Variants in NR3C1 observed in about 807,000 individuals in gnomAD.
NR3C1 encodes the protein nuclear receptor subfamily 3 group C member 1, also known as glucocorticoid receptor.
NR3C1 carries 14 observed loss-of-function variants against 74.0 expected under a neutral mutation model. The observed-to-expected ratio is 0.19, with a 90% CI of 0.12 to 0.30. The LOEUF is 0.30. Among genes scored for constraint, NR3C1 ranks in the 10% least tolerant of loss-of-function variants. The probability of loss-of-function intolerance (pLI) is 1.00; values close to 1 mark genes in which losing one functional copy is unlikely to be tolerated. For missense variants in NR3C1, 695 were observed against 909.8 expected (o/e 0.76, Z 3.04); for synonymous variants, 308 against 332.5 (o/e 0.93, Z 0.80).
At chr5:143,318,153 T>C (rs1822564619) in intron 2 of NR3C1, among the ~76,000 whole-genome samples, 1 of 152,080 alleles carries the variant, frequency 6.6e-6, no homozygotes, top group Non-Finnish European at 1.5e-5. Flanking sequence ...CCCCCAAGGA[T>C]TACCTTCTTC....
At chr5:143,377,791 C>G (rs1425260888) in intron 2 of NR3C1, among the ~76,000 whole-genome samples, 1 of 152,172 alleles carries the variant, frequency 6.6e-6, no homozygotes, top group Non-Finnish European at 1.5e-5. Flanking sequence ...AACTGTCTTT[C>G]CCAAATTAAG....
intron 2 of NR3C1, among the ~76,000 whole-genome samples, chr5:143,358,782 C>T (rs1172492987): frequency 1.3e-5 from 2 of 151,976 alleles, no homozygotes; most frequent in African/African-American, 2.4e-5. Flanking sequence ...TGCCTGTAAT[C>T]CCAGCTACTT....
At chr5:143,376,897 A>T (rs1450731970) in intron 2 of NR3C1, among the ~76,000 whole-genome samples, 1 of 152,130 alleles carries the variant, frequency 6.6e-6, no homozygotes, top group Non-Finnish European at 1.5e-5. Flanking sequence ...GGAGGACTGG[A>T]GATTTAGAAT....
At chr5:143,335,737 T>C (rs1171420092) in intron 2 of NR3C1, among the ~76,000 whole-genome samples, 1 of 152,238 alleles carries the variant, frequency 6.6e-6, no homozygotes, top group Non-Finnish European at 1.5e-5. Flanking sequence ...TCTTTAGTAG[T>C]TGTAAAGTAT....
chr5:143,402,996 AG>A (rs1307505090), intron 1 of NR3C1, among the ~76,000 whole-genome samples: 5 of 98,048 alleles, frequency 5.1e-5, no homozygotes, highest in Non-Finnish European at 9.7e-5. Context: ...CGGCCCGGCC[AG>A]GGGACGCCTG....
At position 143,281,482 on chromosome 5, in the gene NR3C1, G is replaced by C. The variant is rs555578321; in HGVS notation, c.*407C>G. 2 of 229,154 alleles carry C rather than the reference G, an allele frequency of 8.7e-6. No individual in the cohort carries two copies. Among genetic ancestry groups the C allele is most frequent in the African/African-American group, 2.3e-5 (1 of 42,754 alleles). The allele number at this position is 229,154 out of a possible 1,614,324, so 14.2% of individuals were successfully genotyped here. A position where few individuals can be genotyped will look rare whatever the true frequency, so the allele number is the denominator to read the frequency against. ...AAAAATGCTATCCTAACTATACAGG[G>C]GGGGGATACACCAACAGAAAGTCTA... is the stretch of plus-strand genomic sequence containing the variant. On this transcript the variant is annotated 3_prime_UTR_variant, in exon 9 of 9. Coordinates refer to ENST00000394464, the MANE Select transcript of NR3C1 (RefSeq NM_000176.3).
At chr5:143,403,699 A>C, upstream of NR3C1, 2 of 983,476 alleles carry the variant, frequency 2.0e-6, no homozygotes, top group Non-Finnish European at 2.4e-6. Flanking sequence ...CACGGCGCGC[A>C]CACACTCGCA....
intron 1 of NR3C1, among the ~76,000 whole-genome samples, chr5:143,420,374 A>C (rs866969251): frequency 2.6e-5 from 4 of 152,222 alleles, no homozygotes; most frequent in African/African-American, 2.4e-5. Context: ...CAGTGAAGAC[A>C]GGCATAGGAA....
chr5:143,344,217 C>G (rs977462002), intron 2 of NR3C1, among the ~76,000 whole-genome samples: 1 of 152,064 alleles, frequency 6.6e-6, no homozygotes, highest in Non-Finnish European at 1.5e-5. Context: ...AGTAGACTCC[C>G]AACAATTTTT....
rs61753507 is a variant in NR3C1 at position 143,279,507 on chromosome 5, A to C, written c.*2382T>G. ...TCAAGCAGTTTTCTTAGGCACCAAA[A>C]ATTTATCCAGCCGGGTTACACACCA... On this transcript the variant is annotated 3_prime_UTR_variant, in exon 9 of 9. Transcript: ENST00000394464. 269 of 1,278,982 alleles carry C rather than the reference A, an allele frequency of 2.1e-4. 1 individual carries two copies. In the African/African-American group the frequency reaches 4.0e-3, roughly 19 times the overall value. 79.2% of individuals were successfully genotyped at this position (1,278,982 alleles called of 1,614,324 possible). A position where few individuals can be genotyped will look rare whatever the true frequency, so the allele number is the denominator to read the frequency against.
intron 2 of NR3C1, among the ~76,000 whole-genome samples, chr5:143,372,396 T>C (rs1411204599): frequency 1.3e-5 from 2 of 152,148 alleles, no homozygotes; most frequent in African/African-American, 4.8e-5. Context: ...GGCTACCAAG[T>C]GACTAAGGGG....
intron 1 of NR3C1, among the ~76,000 whole-genome samples, chr5:143,412,418 G>A (rs1018744495): frequency 6.6e-6 from 1 of 152,068 alleles, no homozygotes; most frequent in Non-Finnish European, 1.5e-5. Context: ...CCAATTTATA[G>A]TAGATTTTTT....
chr5:143,378,891 C>T lies in NR3C1; in HGVS notation c.1184+20765G>A, dbSNP rs1835696074. Among the ~76,000 whole-genome samples, 3 of 151,868 alleles carry T rather than the reference C, an allele frequency of 2.0e-5. No individual in the cohort carries two copies. The South Asian group carries it at 6.2e-4, about 32-fold the overall frequency. ...CCTGATTTATAGGAGTGATAATTGC[C>T]ACATATAGTATTAAGGCACCCAGTG... On this transcript the variant is annotated intron_variant, in intron 2 of 8. Transcript: ENST00000394464.
chr5:143,281,761 T>TAAAAC lies in NR3C1; in HGVS notation c.*123_*127dup. On this transcript the variant is annotated 3_prime_UTR_variant, in exon 9 of 9. Coordinates refer to ENST00000394464, the MANE Select transcript of NR3C1 (RefSeq NM_000176.3). ...CTATAAACCACATGTAGTGCGTATT[T>TAAAAC]AAAACAAAACAACAGATGAAAACAA... The TAAAAC allele has an allele frequency of 3.7e-6, 4 of 1,088,868 alleles. No individual in the cohort carries two copies. The highest frequency in any genetic ancestry group is 5.4e-6 in the Non-Finnish European group (4 of 747,140). 67.5% of individuals were successfully genotyped at this position (1,088,868 alleles called of 1,614,324 possible). A position where few individuals can be genotyped will look rare whatever the true frequency, so the allele number is the denominator to read the frequency against.
chr5:143,412,231 T>C (rs1478576512), intron 1 of NR3C1, among the ~76,000 whole-genome samples: 1 of 135,692 alleles, frequency 7.4e-6, no homozygotes, highest in African/African-American at 2.8e-5. Context: ...TTAGGCTGGA[T>C]TGTTAGTCAA....
chr5:143,345,278 C>T (rs771460701), intron 2 of NR3C1, among the ~76,000 whole-genome samples: 4 of 152,174 alleles, frequency 2.6e-5, no homozygotes, highest in South Asian at 2.1e-4. Context: ...GGCACAATCT[C>T]GGCTTACTGC....
At chr5:143,356,500 G>A (rs1831167530) in intron 2 of NR3C1, among the ~76,000 whole-genome samples, 1 of 152,028 alleles carries the variant, frequency 6.6e-6, no homozygotes, top group Non-Finnish European at 1.5e-5. Context: ...AATCACTCCA[G>A]TAACAATATT....
At position 143,395,352 on chromosome 5, in the gene NR3C1, C is replaced by G. The variant is rs10054283; in HGVS notation, c.1184+4304G>C. On this transcript the variant is annotated intron_variant, in intron 2 of 8. Coordinates refer to ENST00000394464, the MANE Select transcript of NR3C1 (RefSeq NM_000176.3). ...CAGCATGGGCTTTTAAAAATCCTTTCTAAAGGTCAATATGTAATGGATTTT... is the reference window on the plus strand; with the variant it reads ...CAGCATGGGCTTTTAAAAATCCTTTGTAAAGGTCAATATGTAATGGATTTT... 4.4e-3 allele frequency among the ~76,000 whole-genome samples: 665 copies of G among 151,940 alleles called. 2 individuals are homozygous for G. Among genetic ancestry groups the G allele is most frequent in the African/African-American group, 0.015 (633 of 41,532 alleles).
At chr5:143,318,971 A>G (rs1822761881) in intron 2 of NR3C1, among the ~76,000 whole-genome samples, 1 of 152,204 alleles carries the variant, frequency 6.6e-6, no homozygotes, top group South Asian at 2.1e-4. Context: ...AGTTTTACTC[A>G]TCTTTGCTTT....
Sources: allele counts gnomAD v4.1 joint callset (sites outside exome capture counted in the v4.1 genomes callset), GRCh38; gene constraint gnomAD v4.1.1; transcripts MANE v1.5; gene names NCBI Gene and HGNC (gene_info 2026-07-23, HGNC 2026-07-21).